Variants in PALLD observed in about 807,000 individuals in gnomAD.
PALLD encodes the protein palladin.
In PALLD, 61 loss-of-function variants were observed where a neutral mutation model predicts 123.5. That is an observed-to-expected ratio of 0.49 (90% CI 0.40 to 0.61). The LOEUF is 0.61. PALLD is among the 20% of genes least tolerant of loss of function. PALLD has a pLI of 0.00. For missense variants in PALLD, 1,273 were observed against 1,377.0 expected (o/e 0.92, Z 1.20); for synonymous variants, 465 against 496.4 (o/e 0.94, Z 0.84).
At chr4:168,900,743 A>G (rs1047671110) in intron 14 of PALLD, among the ~76,000 whole-genome samples, 18 of 152,230 alleles carry the variant, frequency 1.2e-4, no homozygotes, top group Non-Finnish European at 2.6e-4. Context: ...CCATTGTTAT[A>G]GAAAACTTTT....
Position 168,512,035 on chromosome 4 carries a change from G to A in PALLD, c.531G>A (p.Glu177=), listed in dbSNP as rs968432069. Residue 177 remains glutamate, a synonymous_variant, in exon 2 of 22, where the codon GAG becomes GAA. Transcript: ENST00000505667. ...GTGACAAGGCAGCTAATTTAATTGA[G>A]GAGCTAACATCCATATTTAAAGCCG... The part of the protein sequence containing the change: ...QLCDKAANLI[E]ELTSIFKAAK... 3.1e-6 allele frequency: 5 copies of A among 1,614,076 alleles called. No homozygotes were observed. In the African/African-American group the frequency reaches 5.3e-5, roughly 17 times the overall value.
intron 10 of PALLD, among the ~76,000 whole-genome samples, chr4:168,797,533 AAG>A (rs2150656980): frequency 6.6e-6 from 1 of 152,220 alleles, no homozygotes; most frequent in South Asian, 2.1e-4. Context: ...TGCCTTGGAA[AAG>A]AGCAGGTGCC....
intron 7 of PALLD, 98 bp downstream of exon 7, chr4:168,690,842 T>G: frequency 1.9e-4 from 229 of 1,228,946 alleles, no homozygotes; most frequent in Non-Finnish European, 2.6e-4. Context: ...AATTGATCTC[T>G]ATGTTCAAAG....
intron 2 of PALLD, among the ~76,000 whole-genome samples, chr4:168,659,988 CT>C (rs1418479623): frequency 3.9e-5 from 6 of 152,130 alleles, no homozygotes; most frequent in African/African-American, 1.4e-4. Context: ...GTATCTTAGA[CT>C]TTGCAGTGAT....
chr4:168,691,482 A>G (rs1391642452), intron 8 of PALLD, among the ~76,000 whole-genome samples, 190 bp downstream of exon 8: 2 of 152,174 alleles, frequency 1.3e-5, no homozygotes, highest in Non-Finnish European at 2.9e-5. Context: ...TGCATTTTAC[A>G]TCAACGTCTT....
chr4:168,619,559 A>C (rs1016242788), intron 2 of PALLD, among the ~76,000 whole-genome samples: 2 of 152,186 alleles, frequency 1.3e-5, no homozygotes, highest in African/African-American at 4.8e-5. Flanking sequence ...TGTGTGATTC[A>C]GGTTGGGCTG....
intron 2 of PALLD, among the ~76,000 whole-genome samples, chr4:168,538,552 T>G (rs150202148): frequency 9.9e-4 from 151 of 152,252 alleles, no homozygotes; most frequent in African/African-American, 3.4e-3. Flanking sequence ...ACCTTATGAT[T>G]CAGTTATTAT....
intron 2 of PALLD, among the ~76,000 whole-genome samples, chr4:168,588,923 C>G (rs1771122464): frequency 6.6e-6 from 1 of 152,228 alleles, no homozygotes; most frequent in South Asian, 2.1e-4. Flanking sequence ...ATTTGCAACT[C>G]TAGATGAAAT....
intron 10 of PALLD, among the ~76,000 whole-genome samples, chr4:168,731,528 A>C (rs891439813): frequency 1.3e-5 from 2 of 152,260 alleles, no homozygotes; most frequent in African/African-American, 2.4e-5. Context: ...GGCATGCCAA[A>C]GGGCAGATAG....
intron 10 of PALLD, among the ~76,000 whole-genome samples, chr4:168,714,015 T>C (rs1358461593): frequency 1.3e-5 from 2 of 150,444 alleles, no homozygotes; most frequent in Non-Finnish European, 3.0e-5. Flanking sequence ...CACTTGATTT[T>C]TGTTTTTTCG....
intron 10 of PALLD, among the ~76,000 whole-genome samples, chr4:168,889,166 G>GTGT (rs567772815): frequency 2.9e-5 from 4 of 137,976 alleles, no homozygotes; most frequent in South Asian, 2.2e-4. Flanking sequence ...GTGTGTGTGT[G>GTGT]GTTTTTTTTT....
At chr4:168,798,126 TGGAGTACATTCCAGCATGC>T (rs1738787811) in intron 10 of PALLD, among the ~76,000 whole-genome samples, 1 of 152,290 alleles carries the variant, frequency 6.6e-6, no homozygotes, top group African/African-American at 2.4e-5. Context: ...TAAGGAAATG[TGGAGTACATTCCAGCATGC>T]TTTCTATGAT....
chr4:168,625,860 TG>T (rs1775215474), intron 2 of PALLD, among the ~76,000 whole-genome samples: 1 of 152,180 alleles, frequency 6.6e-6, no homozygotes, highest in Non-Finnish European at 1.5e-5. Context: ...GTCTCACTTC[TG>T]GGTACATAGC....
At position 168,575,460 on chromosome 4, in the gene PALLD, G is replaced by A. The variant is rs916708914; in HGVS notation, c.908+63048G>A. ...TCACGAGAACAGCATGGGGGAAACC[G>A]CCCCCATGATCCAATCATCTCCCTC... is the stretch of plus-strand genomic sequence containing the variant. On this transcript the variant is annotated intron_variant, in intron 2 of 21. Transcript: ENST00000505667. Among the ~76,000 whole-genome samples, 47 of 151,988 alleles carry A rather than the reference G, an allele frequency of 3.1e-4. 1 individual carries two copies. The highest frequency in any genetic ancestry group is 2.1e-3 in the Admixed American group (32 of 15,250).
intron 10 of PALLD, among the ~76,000 whole-genome samples, chr4:168,730,207 A>G (rs763549260): frequency 8.6e-5 from 13 of 152,010 alleles, no homozygotes; most frequent in Non-Finnish European, 1.8e-4. Context: ...TTTGTTGCCT[A>G]TTTTTATTGT....
At chr4:168,751,766 A>G (rs1731092859) in intron 10 of PALLD, among the ~76,000 whole-genome samples, 2 of 152,196 alleles carry the variant, frequency 1.3e-5, no homozygotes, top group Admixed American at 6.5e-5. Context: ...ACACTGGATC[A>G]TTCCTGTAGT....
At chr4:168,521,678 A>G (rs1276152091) in intron 2 of PALLD, among the ~76,000 whole-genome samples, 3 of 152,168 alleles carry the variant, frequency 2.0e-5, no homozygotes, top group Non-Finnish European at 4.4e-5. Context: ...AGTATTCACA[A>G]TGGTATAGAG....
chr4:168,548,007 T>C (rs1202376922), intron 2 of PALLD, among the ~76,000 whole-genome samples: 3 of 149,880 alleles, frequency 2.0e-5, no homozygotes, highest in Non-Finnish European at 4.4e-5. Flanking sequence ...AATGTGCCAC[T>C]GCATTCCAGC....
At chr4:168,507,515 G>A (rs1762121149) in intron 1 of PALLD, 1 of 194,914 alleles carries the variant, frequency 5.1e-6, no homozygotes, top group East Asian at 7.9e-5. Context: ...CTCAGAATAT[G>A]AGGAATTCTC....
Sources: gnomAD v4.1 joint callset for allele counts (sites outside exome capture counted in the v4.1 genomes callset) on GRCh38, gnomAD v4.1.1 for gene constraint, MANE v1.5 for transcripts, NCBI Gene and HGNC (gene_info 2026-07-23, HGNC 2026-07-21) for gene names.